The following DERL1 variants were observed in gnomAD, a reference collection of about 807,000 sequenced individuals.
DERL1 encodes derlin 1, also known as derlin-1.
In DERL1, 24 loss-of-function variants were observed where a neutral mutation model predicts 41.6. The observed-to-expected ratio is 0.58, with a 90% CI of 0.42 to 0.81. The LOEUF (loss-of-function observed/expected upper bound fraction) is 0.81, where lower values mean the gene tolerates loss of function less well. Among genes scored for constraint, DERL1 ranks in the 30% least tolerant of loss-of-function variants. The pLI is 0.00. For missense variants in DERL1, 260 were observed against 314.3 expected, an observed-to-expected ratio of 0.83 and a Z score of 1.31; for synonymous variants, 124 against 112.5, an observed-to-expected ratio of 1.10 and a Z score of -0.65.
chr8:123,041,994 G>C lies in DERL1; in HGVS notation c.129C>G (p.Pro43=), dbSNP rs375156558. Residue 43 remains proline (P), a synonymous_variant, in exon 1 of 8, where the codon CCC becomes CCG. Coordinates refer to ENST00000259512, the MANE Select transcript of DERL1 (RefSeq NM_024295.6). ...CCTGAAAGCGATAAAGGAAGGCTTCGGGCCAGAGGAAGAGGTAGGCCGGGC... is the reference window on the plus strand; with the variant it reads ...CCTGAAAGCGATAAAGGAAGGCTTCCGGCCAGAGGAAGAGGTAGGCCGGGC... ...LISPAYLFLW[P]EAFLYRFQIW... is the part of the protein sequence containing the mutation. 9 of 1,613,012 alleles carry C rather than the reference G, an allele frequency of 5.6e-6. No individual in the cohort carries two copies. The highest frequency in any genetic ancestry group is 4.4e-5 in the South Asian group (4 of 90,950).
At chr8:123,025,145 C>A in intron 2 of DERL1, 95 bp from the exon 3 acceptor site, 2 of 1,286,926 alleles carry the variant, frequency 1.6e-6, no homozygotes, top group Non-Finnish European at 1.1e-6. Context: ...CAGAAAAAGC[C>A]AAAATGAGAA....
intron 3 of DERL1, 39 bp from the exon 4 acceptor site, chr8:123,023,778 T>C: frequency 6.2e-7 from 1 of 1,605,680 alleles, no homozygotes; most frequent in Non-Finnish European, 8.5e-7. Context: ...TAAAAAAGCA[T>C]TCTGTACCTA....
chr8:123,020,940 T>TG (rs1814746653), intron 6 of DERL1, among the ~76,000 whole-genome samples: 2 of 146,780 alleles, frequency 1.4e-5, no homozygotes, highest in Non-Finnish European at 3.0e-5. Flanking sequence ...CACTCCAGCC[T>TG]GGGCAACAAA....
intron 1 of DERL1, among the ~76,000 whole-genome samples, chr8:123,036,381 T>G (rs543229923): frequency 1.3e-5 from 2 of 152,252 alleles, no homozygotes; most frequent in South Asian, 4.1e-4. Context: ...ACTTCATAAT[T>G]CCACCTATAA....
chr8:123,021,965 T>C (rs1352472699), intron 5 of DERL1, among the ~76,000 whole-genome samples: 1 of 152,232 alleles, frequency 6.6e-6, no homozygotes, highest in African/African-American at 2.4e-5. Flanking sequence ...ATTGATATCT[T>C]AAACTAATAC....
rs191044062 is a variant in DERL1, at chr8:123,024,818, A to G, written c.330+168T>C. On this transcript the variant is annotated intron_variant, in intron 3 of 7. Coordinates refer to ENST00000259512, the MANE Select transcript of DERL1 (RefSeq NM_024295.6). Reference sequence around the variant, plus strand: ...TAAGAGAATGCATCACTCAAGGGCTATATGATTTACTACAGTTTTTTTTAA... The same window carrying G: ...TAAGAGAATGCATCACTCAAGGGCTGTATGATTTACTACAGTTTTTTTTAA... Among the ~76,000 whole-genome samples, 325 of 152,348 alleles carry G rather than the reference A, an allele frequency of 2.1e-3. 3 individuals carry two copies. The highest frequency in any genetic ancestry group is 4.1e-4 in the Non-Finnish European group (28 of 68,032).
chr8:123,041,424 T>C (rs1193012962), intron 1 of DERL1, among the ~76,000 whole-genome samples: 2 of 152,214 alleles, frequency 1.3e-5, no homozygotes, highest in African/African-American at 4.8e-5. Flanking sequence ...GTACATTCTA[T>C]TACTACGTGG....
chr8:123,023,753 G>A lies in DERL1; in HGVS notation c.331-14C>T, dbSNP rs758176472. Reference sequence around the variant, plus strand: ...TAAGCCAGTAATCTTGGTTTGTAAAGTTAAAGATCAGACATAAAAAAGCAT... The same window carrying A: ...TAAGCCAGTAATCTTGGTTTGTAAAATTAAAGATCAGACATAAAAAAGCAT... On this transcript the variant is annotated splice_polypyrimidine_tract_variant and intron_variant, in intron 3 of 7. Coordinates refer to ENST00000259512, the MANE Select transcript of DERL1 (RefSeq NM_024295.6). 1.2e-6 allele frequency: 2 copies of A among 1,610,682 alleles called. No individual in the cohort carries two copies. Among genetic ancestry groups the A allele is most frequent in the Non-Finnish European group, 1.7e-6 (2 of 1,178,488 alleles).
intron 1 of DERL1, among the ~76,000 whole-genome samples, chr8:123,039,741 C>A (rs897416564): frequency 2.0e-5 from 3 of 152,196 alleles, no homozygotes; most frequent in Non-Finnish European, 2.9e-5. Context: ...TACTATTGTA[C>A]CCCAGTGCCC....
At chr8:123,032,341 C>A (rs185708508) in intron 1 of DERL1, among the ~76,000 whole-genome samples, 21 of 152,192 alleles carry the variant, frequency 1.4e-4, no homozygotes, top group Admixed American at 6.5e-5. Context: ...CCTGATGTTG[C>A]CCAGGCTGGT....
chr8:123,021,633 T>G, intron 5 of DERL1, 134 bp from the exon 6 acceptor site: 2 of 763,676 alleles, frequency 2.6e-6, no homozygotes, highest in Non-Finnish European at 4.6e-6. Flanking sequence ...CTGCAAAATT[T>G]CTAGGATCAA....
At chr8:123,026,059 TCA>T (rs1812681826) in intron 2 of DERL1, among the ~76,000 whole-genome samples, 1 of 151,236 alleles carries the variant, frequency 6.6e-6, no homozygotes, top group African/African-American at 2.4e-5. Context: ...CCACACCCCC[TCA>T]CAGTTACATG....
chr8:123,024,998 C>G lies in DERL1; in HGVS notation c.318G>C (p.Trp106Cys). The change falls in exon 3 of 8, where the codon TGG becomes TGC. Residue 106 changes from tryptophan to cysteine, a missense_variant. Transcript: ENST00000259512. ...GACTGAAGGATACCACGATGCAAAT[C>G]CAGTTAAAGAGGAGCATGAATAAAT... ...ADYLFMLLFN[W>C]ICIVITGLAM... The G allele has an allele frequency of 1.2e-6, 2 of 1,613,584 alleles. No individual in the cohort carries two copies. The highest frequency in any genetic ancestry group is 1.7e-6 in the Non-Finnish European group (2 of 1,179,886).
In DERL1 at chr8:123,021,435, A is replaced by T; in HGVS notation, c.506+12T>A. ...GATTAGTTTCCAATTAAATAAATCT[A>T]ATATCACTTACGAGCCTCCGATGAT... On this transcript the variant is annotated intron_variant, in intron 6 of 7. Coordinates refer to ENST00000259512, the MANE Select transcript of DERL1 (RefSeq NM_024295.6). The T allele has an allele frequency of 6.2e-7, 1 of 1,609,938 alleles. No individual in the cohort carries two copies. The highest frequency in any genetic ancestry group is 8.5e-7 in the Non-Finnish European group (1 of 1,176,208).
At chr8:123,037,276 A>G (rs1168433402) in intron 1 of DERL1, among the ~76,000 whole-genome samples, 7 of 152,356 alleles carry the variant, frequency 4.6e-5, no homozygotes, top group East Asian at 3.9e-4. Flanking sequence ...AGTAGATAAC[A>G]TATTTCCTCA....
chr8:123,021,115 C>A (rs1466630083), intron 6 of DERL1, among the ~76,000 whole-genome samples: 2 of 151,754 alleles, frequency 1.3e-5, no homozygotes, highest in African/African-American at 4.9e-5. Flanking sequence ...TTATACATAG[C>A]TCTTAGAGGA....
At chr8:123,032,860 TTTC>T (rs1191065580) in intron 1 of DERL1, among the ~76,000 whole-genome samples, 4 of 133,470 alleles carry the variant, frequency 3.0e-5, no homozygotes, top group African/African-American at 1.3e-4. Flanking sequence ...TAATTTCTAT[TTTC>T]TTTTTTTTTT....
In DERL1 at chr8:123,013,741, C is replaced by T. The variant is rs920848233; in HGVS notation, c.*1706G>A. The T allele has an allele frequency of 2.0e-5, 3 of 152,174 alleles. No individual in the cohort carries two copies. Among genetic ancestry groups the T allele is most frequent in the Non-Finnish European group, 4.4e-5 (3 of 68,036 alleles). The allele number at this position is 152,174 out of a possible 1,614,324, so 9.4% of individuals were successfully genotyped here. ...TTCTTATACATACAATGAGTCTCCA[C>T]GCCTGTACAATGAGTGTACGTGCAA... On this transcript the variant is annotated 3_prime_UTR_variant, in exon 8 of 8. Coordinates refer to ENST00000259512, the MANE Select transcript of DERL1 (RefSeq NM_024295.6).
intron 1 of DERL1, among the ~76,000 whole-genome samples, chr8:123,031,557 T>C (rs1326871295): frequency 6.6e-6 from 1 of 152,080 alleles, no homozygotes; most frequent in South Asian, 2.1e-4. Flanking sequence ...AAATTAAATT[T>C]AATTTAATTA....
Sources: allele counts gnomAD v4.1 joint callset (sites outside exome capture counted in the v4.1 genomes callset), GRCh38; gene constraint gnomAD v4.1.1; transcripts MANE v1.5; gene names NCBI Gene and HGNC (gene_info 2026-07-23, HGNC 2026-07-21).